C2CD5: variants seen among roughly 807,000 people sequenced by gnomAD.
The protein encoded by C2CD5 is C2 domain-containing protein 5.
A neutral mutation model predicts 130.3 loss-of-function variants in C2CD5; 109 were observed. That is an observed-to-expected ratio of 0.84 (90% CI 0.72 to 0.98). The LOEUF is 0.98. Ranked by LOEUF, C2CD5 falls within the 50% of genes least tolerant of loss-of-function variation. The pLI is 0.00. For synonymous variants in C2CD5, 454 were observed against 429.2 expected, an observed-to-expected ratio of 1.06 and a Z score of -0.71; for missense variants, 996 against 1,261.8, an observed-to-expected ratio of 0.79 and a Z score of 3.19.
chr12:22,517,496 T>G (rs983726507), intron 8 of C2CD5, among the ~76,000 whole-genome samples: 26 of 152,022 alleles, frequency 1.7e-4, no homozygotes, highest in Non-Finnish European at 7.4e-5. Context: ...CTAGAAAGAC[T>G]AGTAAAACCA....
chr12:22,466,076 T>C (rs570011292), intron 22 of C2CD5, among the ~76,000 whole-genome samples: 2 of 152,220 alleles, frequency 1.3e-5, no homozygotes, highest in South Asian at 4.1e-4. Context: ...AAGATACATG[T>C]TATTGAAGCA....
At chr12:22,517,919 A>C in intron 8 of C2CD5, 67 bp downstream of exon 8, 1 of 1,313,886 alleles carries the variant, frequency 7.6e-7, no homozygotes, top group Non-Finnish European at 1.1e-6. Flanking sequence ...TTTGGATGGA[A>C]AGCTAATAAG....
chr12:22,496,620 T>C (rs1250144705), intron 10 of C2CD5, among the ~76,000 whole-genome samples: 1 of 150,522 alleles, frequency 6.6e-6, no homozygotes, highest in Non-Finnish European at 1.5e-5. Flanking sequence ...ATTATAAAAG[T>C]TATTATTTTA....
intron 22 of C2CD5, among the ~76,000 whole-genome samples, chr12:22,462,419 A>C (rs1941330943): frequency 6.6e-6 from 1 of 152,172 alleles, no homozygotes; most frequent in Admixed American, 6.5e-5. Context: ...TTTAAAAGTC[A>C]CCATTAAGTG....
At position 22,501,880 on chromosome 12, in the gene C2CD5, C is replaced by T. The variant is rs74772629; in HGVS notation, c.1147+4831G>A. On this transcript the variant is annotated intron_variant, in intron 10 of 26. Coordinates refer to ENST00000446597, the MANE Select transcript of C2CD5 (RefSeq NM_001286176.2). ...ATGAGATATTATCTAAAATTCTGAGCCCCGTGGCGTCTTTGCTTTTCTGTA... is the reference window on the plus strand; with the variant it reads ...ATGAGATATTATCTAAAATTCTGAGTCCCGTGGCGTCTTTGCTTTTCTGTA... 4.8e-3 allele frequency among the ~76,000 whole-genome samples: 735 copies of T among 152,006 alleles called. 17 individuals are homozygous for T. Among genetic ancestry groups the T allele is most frequent in the Admixed American group, 0.039 (589 of 15,264 alleles).
intron 15 of C2CD5, chr12:22,478,108 G>A: frequency 1.9e-6 from 1 of 535,512 alleles, no homozygotes; most frequent in South Asian, 2.1e-5. Flanking sequence ...TGGCAAAAAT[G>A]AAGTCACAAT....
At chr12:22,453,354 T>C (rs1939108417) in intron 26 of C2CD5, among the ~76,000 whole-genome samples, 1 of 152,182 alleles carries the variant, frequency 6.6e-6, no homozygotes, top group African/African-American at 2.4e-5. Context: ...TTTCATACTA[T>C]TTAGTATAGT....
At chr12:22,521,938 G>A (rs1304661476) in intron 7 of C2CD5, among the ~76,000 whole-genome samples, 3 of 152,050 alleles carry the variant, frequency 2.0e-5, no homozygotes, top group African/African-American at 4.8e-5. Context: ...CTACTGAACT[G>A]GGAAACATTT....
chr12:22,493,953 T>C (rs1946682823), intron 10 of C2CD5, among the ~76,000 whole-genome samples: 1 of 151,682 alleles, frequency 6.6e-6, no homozygotes, highest in African/African-American at 2.4e-5. Context: ...AATAATTTGG[T>C]AATGTATATA....
chr12:22,484,002 G>A (rs1175222618), intron 13 of C2CD5, among the ~76,000 whole-genome samples: 2 of 152,120 alleles, frequency 1.3e-5, no homozygotes, highest in East Asian at 1.9e-4. Flanking sequence ...ATAAGTTGAT[G>A]AGTTCAACTA....
At chr12:22,475,290 T>C (rs1184468923) in intron 15 of C2CD5, among the ~76,000 whole-genome samples, 1 of 152,174 alleles carries the variant, frequency 6.6e-6, no homozygotes, top group Non-Finnish European at 1.5e-5. Flanking sequence ...AGAATTCTAA[T>C]CTTTTATATA....
intron 26 of C2CD5, among the ~76,000 whole-genome samples, chr12:22,453,274 G>A (rs1257381094): frequency 1.3e-5 from 2 of 152,116 alleles, no homozygotes; most frequent in Admixed American, 6.5e-5. Flanking sequence ...CAGTGTACCA[G>A]TGGACCACAG....
rs199545745 is a variant in C2CD5, at chr12:22,490,122, C to T, written c.1358+1G>A. 1.2e-6 allele frequency: 2 copies of T among 1,610,570 alleles called. No homozygotes were observed. Among genetic ancestry groups the T allele is most frequent in the Non-Finnish European group, 1.7e-6 (2 of 1,177,034 alleles). On this transcript the variant is annotated splice_donor_variant, in intron 12 of 26. Transcript: ENST00000446597. LOFTEE classifies it high-confidence loss of function. ...AAAATAAGCCAGGCTGCCATGACAA[C>T]CTCTGTTCCAAACAGCCTTCCACGG...
At chr12:22,527,588 G>T (rs780122314) in intron 4 of C2CD5, 133 bp downstream of exon 4, 2 of 505,078 alleles carry the variant, frequency 4.0e-6, no homozygotes, top group Non-Finnish European at 3.4e-6. Flanking sequence ...AAAGTGCTGG[G>T]ATTACAGGCA....
intron 4 of C2CD5, 84 bp from the exon 5 acceptor site, chr12:22,525,789 T>C (rs1950664096): frequency 2.7e-6 from 2 of 754,622 alleles, no homozygotes; most frequent in Middle Eastern, 3.0e-4. Flanking sequence ...TGCTAAATAA[T>C]GATTTTAAAA....
intron 4 of C2CD5, among the ~76,000 whole-genome samples, chr12:22,526,732 GT>G (rs1950756071): frequency 6.6e-6 from 1 of 151,948 alleles, no homozygotes; most frequent in Non-Finnish European, 1.5e-5. Context: ...AAGAATAAGG[GT>G]TTTCAAAACA....
intron 9 of C2CD5, chr12:22,512,711 A>AG: frequency 7.3e-7 from 1 of 1,376,800 alleles, no homozygotes; most frequent in Non-Finnish European, 9.7e-7. Context: ...AAAAAAAAAA[A>AG]GAGAGAGAGA....
At chr12:22,511,614 T>C (rs549615021) in intron 9 of C2CD5, among the ~76,000 whole-genome samples, 60 of 152,210 alleles carry the variant, frequency 3.9e-4, no homozygotes, top group Non-Finnish European at 5.7e-4. Flanking sequence ...ATGTCCAATG[T>C]GTAAATGTGT....
In C2CD5 at chr12:22,449,620, A is replaced by G. The variant is rs1279312467; in HGVS notation, c.*140T>C. ...AGATTAGAAAATTCTCATGCCTCCAAAAGACTCCAGGCAAATCAAATCTAC... is the reference window on the plus strand; with the variant it reads ...AGATTAGAAAATTCTCATGCCTCCAGAAGACTCCAGGCAAATCAAATCTAC... On this transcript the variant is annotated 3_prime_UTR_variant, in exon 27 of 27. Coordinates refer to ENST00000446597, the MANE Select transcript of C2CD5 (RefSeq NM_001286176.2). 4.0e-6 allele frequency: 3 copies of G among 754,822 alleles called. No homozygotes were observed. Among genetic ancestry groups the G allele is most frequent in the Non-Finnish European group, 6.2e-6 (3 of 484,016 alleles). The allele number at this position is 754,822 out of a possible 1,614,324, so 46.8% of individuals were successfully genotyped here.
Sources: allele counts gnomAD v4.1 joint callset (sites outside exome capture counted in the v4.1 genomes callset), GRCh38; gene constraint gnomAD v4.1.1; transcripts MANE v1.5; gene names NCBI Gene and HGNC (gene_info 2026-07-23, HGNC 2026-07-21).